Variants in KLRG1 observed in about 807,000 individuals in gnomAD.
KLRG1 encodes killer cell lectin-like receptor subfamily G member 1.
In KLRG1, 16 loss-of-function variants were observed where a neutral mutation model predicts 21.8. The ratio of observed to expected loss-of-function variants is 0.73; its 90% CI spans 0.50 to 1.11. The LOEUF (loss-of-function observed/expected upper bound fraction) is 1.11, where lower values mean the gene tolerates loss of function less well. KLRG1 is among the 50% of genes most tolerant of loss of function. The pLI is 0.00. For synonymous variants in KLRG1, 69 were observed against 75.9 expected, an observed-to-expected ratio of 0.91 and a Z score of 0.47; for missense variants, 173 against 218.3, an observed-to-expected ratio of 0.79 and a Z score of 1.31.
chr12:9,068,694 GT>G, the KLRG1 span: 1 of 1,429,606 alleles, frequency 7.0e-7, no homozygotes, highest in South Asian at 1.2e-5. Flanking sequence ...CTGAATTTCT[GT>G]GATCAGGAAT....
chr12:9,095,475 T>C, the KLRG1 span: 2 of 1,493,476 alleles, frequency 1.3e-6, no homozygotes, highest in African/African-American at 2.8e-5. Flanking sequence ...AAATACAGAC[T>C]CTTTTCCATG....
intron 1 of KLRG1, among the ~76,000 whole-genome samples, chr12:8,966,554 C>T (rs1350623387): frequency 6.6e-6 from 1 of 152,188 alleles, no homozygotes; most frequent in Non-Finnish European, 1.5e-5. Context: ...CAAAAGAAGG[C>T]ATTTATGCAG....
the KLRG1 span, among the ~76,000 whole-genome samples, chr12:9,185,696 A>G: frequency 6.6e-6 from 1 of 152,098 alleles, no homozygotes; most frequent in African/African-American, 2.4e-5. Flanking sequence ...GAGAGAAAGG[A>G]CAAGTCACCT....
chr12:9,056,393 TA>T, the KLRG1 span, among the ~76,000 whole-genome samples: 8 of 152,286 alleles, frequency 5.3e-5, no homozygotes, highest in East Asian at 1.2e-3. Flanking sequence ...AGCAAAGTAC[TA>T]GGGGGGATCA....
intron 1 of KLRG1, among the ~76,000 whole-genome samples, chr12:8,974,075 T>A (rs1946615810): frequency 6.6e-6 from 1 of 152,188 alleles, no homozygotes; most frequent in South Asian, 2.1e-4. Flanking sequence ...TATCCAGCAC[T>A]ATGTTGAATG....
chr12:9,209,739 G>T, the KLRG1 span, among the ~76,000 whole-genome samples: 1 of 151,994 alleles, frequency 6.6e-6, no homozygotes, highest in Admixed American at 6.6e-5. Context: ...TATTCTTCAA[G>T]ATGTGTTTAT....
At chr12:9,169,693 G>T in the KLRG1 span, 1 of 1,106,534 alleles carries the variant, frequency 9.0e-7, no homozygotes, top group Middle Eastern at 2.2e-4. Flanking sequence ...CTTTTCTTGA[G>T]TACGTTCATG....
chr12:9,172,990 A>G, the KLRG1 span, among the ~76,000 whole-genome samples: 1 of 152,252 alleles, frequency 6.6e-6, no homozygotes, highest in South Asian at 2.1e-4. Flanking sequence ...ATTGATATCT[A>G]CAGAACTCTC....
the KLRG1 span, among the ~76,000 whole-genome samples, chr12:9,125,726 T>TTTTG: frequency 3.3e-5 from 5 of 152,264 alleles, no homozygotes; most frequent in South Asian, 2.1e-4. Context: ...TATGTATATT[T>TTTTG]TTTGTTTGTT....
At chr12:9,101,300 G>C in the KLRG1 span, 16 of 1,378,330 alleles carry the variant, frequency 1.2e-5, no homozygotes, top group Non-Finnish European at 1.6e-5. Context: ...GTCCCTGCCG[G>C]CAATAATTCA....
At chr12:9,158,667 G>T in the KLRG1 span, 2 of 1,324,466 alleles carry the variant, frequency 1.5e-6, no homozygotes, top group South Asian at 1.8e-5. Flanking sequence ...ATCACAGTGT[G>T]CACCCAAGAA....
the KLRG1 span, chr12:9,167,418 C>T: frequency 6.6e-6 from 1 of 152,150 alleles, no homozygotes; most frequent in Non-Finnish European, 1.5e-5. Flanking sequence ...GGCATGGGCT[C>T]ACAAGGGTAT....
the KLRG1 span, chr12:9,160,393 G>C: frequency 6.2e-7 from 1 of 1,614,138 alleles, no homozygotes; most frequent in East Asian, 2.2e-5. Context: ...TCAAGACATA[G>C]ATGTTAGGAG....
intron 1 of KLRG1, among the ~76,000 whole-genome samples, chr12:8,955,620 G>A (rs1946279233): frequency 6.6e-6 from 1 of 151,392 alleles, no homozygotes; most frequent in African/African-American, 2.4e-5. Flanking sequence ...TTGAATTCCT[G>A]GGTTTGAGTA....
the KLRG1 span, chr12:9,160,558 A>C: frequency 7.0e-7 from 1 of 1,437,606 alleles, no homozygotes. Flanking sequence ...TATTAACAAA[A>C]ATGGCCTTTA....
the KLRG1 span, chr12:9,204,050 T>C: frequency 1.9e-5 from 22 of 1,180,930 alleles, no homozygotes; most frequent in African/African-American, 3.4e-4. Flanking sequence ...ATTGGTGCAA[T>C]CAGTTTTATT....
the KLRG1 span, chr12:9,158,550 A>T: frequency 3.7e-6 from 6 of 1,614,144 alleles, no homozygotes; most frequent in Non-Finnish European, 5.1e-6. Context: ...AGCCTGGGCG[A>T]AAGTCTTCAG....
chr12:8,979,639 G>C (rs1310195510), intron 1 of KLRG1, among the ~76,000 whole-genome samples: 3 of 151,968 alleles, frequency 2.0e-5, no homozygotes, highest in Non-Finnish European at 4.4e-5. Flanking sequence ...TTATTACTTT[G>C]TTACATATGT....
At chr12:9,176,162 A>G in the KLRG1 span, among the ~76,000 whole-genome samples, 4 of 152,242 alleles carry the variant, frequency 2.6e-5, no homozygotes, top group Non-Finnish European at 4.4e-5. Flanking sequence ...TTGCAGAGAC[A>G]TGGATAGAGC....
Sources: gnomAD v4.1 joint callset for allele counts (sites outside exome capture counted in the v4.1 genomes callset) on GRCh38, gnomAD v4.1.1 for gene constraint, MANE v1.5 for transcripts, NCBI Gene and HGNC (gene_info 2026-07-23, HGNC 2026-07-21) for gene names.